The following CEP128 variants were observed in gnomAD, a reference collection of about 807,000 sequenced individuals.
CEP128 encodes the protein centrosomal protein 128, also known as centrosomal protein 128kDa.
In CEP128, 132 loss-of-function variants were observed where a neutral mutation model predicts 156.7. That is an observed-to-expected ratio of 0.84 (90% CI 0.73 to 0.97). The LOEUF (loss-of-function observed/expected upper bound fraction) is 0.97. Ranked by LOEUF, CEP128 falls within the 50% of genes least tolerant of loss-of-function variation. The probability of loss-of-function intolerance (pLI) is 0.00; values close to 1 mark genes in which losing one functional copy is unlikely to be tolerated. For missense variants in CEP128, 1,252 were observed against 1,281.9 expected, an observed-to-expected ratio of 0.98 and a Z score of 0.36; for synonymous variants, 469 against 448.9, an observed-to-expected ratio of 1.04 and a Z score of -0.57.
intron 21 of CEP128, among the ~76,000 whole-genome samples, chr14:80,533,660 C>T (rs1052379905): frequency 2.0e-5 from 3 of 151,922 alleles, no homozygotes; most frequent in African/African-American, 7.2e-5. Flanking sequence ...TTATTCTCCC[C>T]TCCCTTGCCA....
intron 14 of CEP128, among the ~76,000 whole-genome samples, chr14:80,482,756 A>G (rs1887081940): frequency 1.3e-5 from 2 of 152,252 alleles, no homozygotes; most frequent in South Asian, 4.1e-4. Context: ...AGGGTTGTGA[A>G]TTGCAAAGGC....
intron 19 of CEP128, among the ~76,000 whole-genome samples, chr14:80,635,754 T>C (rs529516284): frequency 2.6e-5 from 4 of 152,316 alleles, no homozygotes; most frequent in African/African-American, 9.6e-5. Flanking sequence ...ACTGTGAACA[T>C]TTGAAATCCA....
At chr14:80,955,769 A>G in intron 2 of CEP128, 1 of 1,614,192 alleles carries the variant, frequency 6.2e-7, no homozygotes. Context: ...CCACCCTGCG[A>G]GTGCCATCAG....
chr14:80,782,383 G>A (rs1204398683), intron 15 of CEP128, among the ~76,000 whole-genome samples: 1 of 152,150 alleles, frequency 6.6e-6, no homozygotes, highest in Admixed American at 6.5e-5. Context: ...TCTGACGGCA[G>A]ATTTTTATCC....
intron 9 of CEP128, among the ~76,000 whole-genome samples, chr14:80,848,919 C>CAA (rs35574896): frequency 7.8e-5 from 11 of 141,126 alleles, no homozygotes; most frequent in Admixed American, 2.9e-4. Context: ...GAGACTGTCT[C>CAA]AAAAAAAAAA....
intron 19 of CEP128, among the ~76,000 whole-genome samples, chr14:80,728,390 T>TG (rs541072831): frequency 4.7e-4 from 71 of 152,140 alleles, no homozygotes; most frequent in African/African-American, 1.7e-3. Context: ...GGGGTGAGGA[T>TG]GGAAAAACTA....
chr14:80,623,239 C>T (rs1178516968), intron 19 of CEP128, among the ~76,000 whole-genome samples: 2 of 146,084 alleles, frequency 1.4e-5, no homozygotes, highest in Non-Finnish European at 1.5e-5. Context: ...TGTTCTCACT[C>T]ATAGGTGGGA....
At chr14:80,802,251 G>A (rs779926623) in intron 13 of CEP128, among the ~76,000 whole-genome samples, 3 of 151,846 alleles carry the variant, frequency 2.0e-5, no homozygotes, top group Non-Finnish European at 2.9e-5. Context: ...TGTTTATTGC[G>A]GCACTATTTA....
At chr14:80,514,823 T>C (rs1308397127) in intron 23 of CEP128, 2 of 190,400 alleles carry the variant, frequency 1.1e-5, no homozygotes, top group Middle Eastern at 4.8e-4. Flanking sequence ...GTATCTATTG[T>C]AGTCTCGGCA....
At chr14:80,721,968 T>A (rs976440422) in intron 19 of CEP128, among the ~76,000 whole-genome samples, 1 of 152,206 alleles carries the variant, frequency 6.6e-6, no homozygotes. Context: ...ATGGAACACA[T>A]ATATTTAAGA....
At chr14:80,676,065 C>G (rs1009437701) in intron 19 of CEP128, among the ~76,000 whole-genome samples, 2 of 152,076 alleles carry the variant, frequency 1.3e-5, no homozygotes, top group Admixed American at 1.3e-4. Flanking sequence ...ATTTTAGAAC[C>G]AGTGTCAAGT....
intron 20 of CEP128, among the ~76,000 whole-genome samples, chr14:80,578,535 G>C (rs1221621079): frequency 6.6e-6 from 1 of 152,122 alleles, no homozygotes; most frequent in African/African-American, 2.4e-5. Flanking sequence ...ACTTCTGGAA[G>C]ACAGTTTTAT....
At chr14:80,708,814 A>G (rs1475984167) in intron 19 of CEP128, among the ~76,000 whole-genome samples, 1 of 152,158 alleles carries the variant, frequency 6.6e-6, no homozygotes, top group Non-Finnish European at 1.5e-5. Flanking sequence ...ATTTAAAATT[A>G]TACTGATGAA....
intron 19 of CEP128, among the ~76,000 whole-genome samples, chr14:80,691,721 G>C (rs1896725727): frequency 1.3e-5 from 2 of 152,280 alleles, no homozygotes; most frequent in South Asian, 4.1e-4. Flanking sequence ...TGAAATTGCA[G>C]ATTTTGGAGA....
intron 2 of CEP128, among the ~76,000 whole-genome samples, chr14:80,953,225 T>C (rs1886503708): frequency 6.6e-6 from 1 of 152,242 alleles, no homozygotes. Flanking sequence ...CTACTATCCC[T>C]TGTGAACGTC....
intron 19 of CEP128, among the ~76,000 whole-genome samples, chr14:80,634,031 G>A (rs571731038): frequency 6.6e-6 from 1 of 152,158 alleles, no homozygotes; most frequent in East Asian, 1.9e-4. Flanking sequence ...AATTTCCCAC[G>A]ACTGGAAAGC....
chr14:80,801,898 ACT>A (rs1481022079), intron 13 of CEP128, among the ~76,000 whole-genome samples: 2 of 105,684 alleles, frequency 1.9e-5, no homozygotes, highest in East Asian at 6.2e-4. Context: ...ACAGTGTGAG[ACT>A]CTGTCTCCCC....
chr14:80,598,231 C>G (rs1474429506), intron 19 of CEP128, among the ~76,000 whole-genome samples: 2 of 151,638 alleles, frequency 1.3e-5, no homozygotes, highest in Non-Finnish European at 2.9e-5. Flanking sequence ...CAATAAAAGC[C>G]CACCTCAAAC....
intron 19 of CEP128, among the ~76,000 whole-genome samples, chr14:80,638,246 T>C (rs920758508): frequency 2.6e-5 from 4 of 152,214 alleles, no homozygotes; most frequent in African/African-American, 9.6e-5. Context: ...TGTCATTTCT[T>C]TCATAAAGCA....
Sources: allele counts gnomAD v4.1 joint callset (sites outside exome capture counted in the v4.1 genomes callset), GRCh38; gene constraint gnomAD v4.1.1; transcripts MANE v1.5; gene names NCBI Gene and HGNC (gene_info 2026-07-23, HGNC 2026-07-21).